The following CFAP52 variants were observed in gnomAD, a reference collection of about 807,000 sequenced individuals.
CFAP52 encodes the protein cilia and flagella associated protein 52.
In CFAP52, 57 loss-of-function variants were observed where a neutral mutation model predicts 70.5. The ratio of observed to expected loss-of-function variants is 0.81; its 90% confidence interval spans 0.65 to 1.01. CFAP52 has a LOEUF of 1.01. CFAP52 is among the 50% of genes least tolerant of loss of function. The pLI is 0.00. For synonymous variants in CFAP52, 267 were observed against 292.5 expected, an observed-to-expected ratio of 0.91 and a Z score of 0.89; for missense variants, 785 against 788.5, an observed-to-expected ratio of 1.00 and a Z score of 0.05.
intron 12 of CFAP52, among the ~76,000 whole-genome samples, chr17:9,641,086 G>A (rs569292086): frequency 6.6e-6 from 1 of 152,218 alleles, no homozygotes; most frequent in African/African-American, 2.4e-5. Flanking sequence ...AAAGTTTAAG[G>A]TACAAAGGCA....
At chr17:9,628,586 A>G (rs947598191) in intron 8 of CFAP52, 86 bp from the exon 9 acceptor site, 20 of 1,528,472 alleles carry the variant, frequency 1.3e-5, no homozygotes, top group Non-Finnish European at 1.7e-5. Flanking sequence ...CTTTTCCTAT[A>G]TTTTTGTGAA....
chr17:9,642,659 G>A (rs192610899), intron 13 of CFAP52, among the ~76,000 whole-genome samples: 1 of 152,242 alleles, frequency 6.6e-6, no homozygotes, highest in Admixed American at 6.5e-5. Context: ...TGCATGAAAT[G>A]AATTAAGTTT....
intron 6 of CFAP52, among the ~76,000 whole-genome samples, chr17:9,600,714 G>A (rs948750991): frequency 5.3e-5 from 8 of 152,070 alleles, no homozygotes; most frequent in Admixed American, 2.0e-4. Flanking sequence ...ACAGGCGCCC[G>A]CCACCACGCC....
Position 9,635,578 on chromosome 17 carries a change from G to A in CFAP52, c.1472+22G>A, listed in dbSNP as rs558747526. 45 of 1,613,896 alleles carry A rather than the reference G, an allele frequency of 2.8e-5. No individual in the cohort carries two copies. In the Admixed American group the frequency reaches 5.5e-4, roughly 20 times the overall value. ...TTGTGTAGGTACCTGTGATGGGGAG[G>A]ATGCAGTGATACCTGCAAAATCCAA... On this transcript the variant is annotated intron_variant, in intron 11 of 13. Transcript: ENST00000352665.
At chr17:9,583,182 C>G (rs4791854) in intron 1 of CFAP52, among the ~76,000 whole-genome samples, 8 of 151,918 alleles carry the variant, frequency 5.3e-5, no homozygotes, top group Non-Finnish European at 1.2e-4. Context: ...AATTAGAAAA[C>G]TATAAAAAAT....
At position 9,600,186 on chromosome 17, in the gene CFAP52, G is replaced by A. The variant is rs1214079329; in HGVS notation, c.753+3G>A. 4.3e-6 allele frequency: 7 copies of A among 1,612,426 alleles called. No homozygotes were observed. Among genetic ancestry groups the A allele is most frequent in the African/African-American group, 1.3e-5 (1 of 74,866 alleles). ...CTGCGAAGGACAAATTCAGTTTGGT[G>A]AGTAGAGACCATCGCCACTGCCCTG... On this transcript the variant is annotated splice_donor_region_variant and intron_variant, in intron 6 of 13. Transcript: ENST00000352665.
At chr17:9,605,680 G>A (rs1360196338) in intron 6 of CFAP52, among the ~76,000 whole-genome samples, 1 of 111,716 alleles carries the variant, frequency 9.0e-6, no homozygotes, top group African/African-American at 3.4e-5. Flanking sequence ...TGGCGACAGA[G>A]TGAGACTCCA....
At chr17:9,622,871 G>T (rs1384101985) in intron 8 of CFAP52, among the ~76,000 whole-genome samples, 1 of 151,888 alleles carries the variant, frequency 6.6e-6, no homozygotes, top group Non-Finnish European at 1.5e-5. Flanking sequence ...ACCTGAACTA[G>T]TCTCATAGAT....
chr17:9,633,038 T>G lies in CFAP52; in HGVS notation c.1320+5T>G, dbSNP rs1910625284. 3 of 1,612,614 alleles carry G rather than the reference T, an allele frequency of 1.9e-6. No individual in the cohort carries two copies. The highest frequency in any genetic ancestry group is 2.5e-6 in the Non-Finnish European group (3 of 1,179,404). Reference sequence around the variant, plus strand: ...AGTGGCGGTGGGGAAGGGGAGGTATTGAAAGCAGAAATTTGAAAAAATAAC... The same window carrying G: ...AGTGGCGGTGGGGAAGGGGAGGTATGGAAAGCAGAAATTTGAAAAAATAAC... On this transcript the variant is annotated splice_donor_5th_base_variant and intron_variant, in intron 10 of 13. Coordinates refer to ENST00000352665, the MANE Select transcript of CFAP52 (RefSeq NM_145054.5).
At chr17:9,614,866 G>A (rs1909847979) in intron 8 of CFAP52, among the ~76,000 whole-genome samples, 1 of 152,150 alleles carries the variant, frequency 6.6e-6, no homozygotes, top group African/African-American at 2.4e-5. Context: ...ATTACCCCTA[G>A]CTGAGAATCA....
chr17:9,593,315 T>C (rs549293820), intron 3 of CFAP52, among the ~76,000 whole-genome samples: 2 of 152,310 alleles, frequency 1.3e-5, no homozygotes, highest in South Asian at 4.2e-4. Flanking sequence ...ATTCTCACAA[T>C]GTGGTTCCCA....
downstream of CFAP52, chr17:9,645,443 G>T: frequency 2.6e-6 from 1 of 390,148 alleles, no homozygotes; most frequent in Non-Finnish European, 4.0e-6. The surrounding 1 kb of genome is among the most constrained non-coding windows in gnomAD (Gnocchi z 6.8). Context: ...CCTGGAGGGG[G>T]CTGGTCGTGC....
At chr17:9,611,172 T>C (rs960877378) in intron 7 of CFAP52, among the ~76,000 whole-genome samples, 10 of 152,182 alleles carry the variant, frequency 6.6e-5, no homozygotes, top group African/African-American at 1.9e-4. Context: ...AGAACCTGCG[T>C]TGAATTCTTC....
At chr17:9,598,166 C>T in intron 4 of CFAP52, 68 bp from the exon 5 acceptor site, 2 of 1,237,024 alleles carry the variant, frequency 1.6e-6, no homozygotes, top group Non-Finnish European at 2.3e-6. Flanking sequence ...CCTTCAGTTT[C>T]AGGGATGAAG....
At position 9,628,658 on chromosome 17, in the gene CFAP52, T is replaced by C. The variant is rs1358423018; in HGVS notation, c.1026-14T>C. 6.2e-7 allele frequency: 1 copy of C among 1,608,452 alleles called. No homozygotes were observed. Among genetic ancestry groups the C allele is most frequent in the East Asian group, 2.2e-5 (1 of 44,740 alleles). On this transcript the variant is annotated splice_polypyrimidine_tract_variant and intron_variant, in intron 8 of 13. Coordinates refer to ENST00000352665, the MANE Select transcript of CFAP52 (RefSeq NM_145054.5). The stretch of plus-strand genomic sequence containing the variant: ...CATCTTTTATGGTTGCATCTCTTGA[T>C]GGCTTCCTTGCAGTGGCACTGCTGA...
chr17:9,601,358 A>C (rs888483143), intron 6 of CFAP52, among the ~76,000 whole-genome samples: 3 of 151,926 alleles, frequency 2.0e-5, no homozygotes, highest in African/African-American at 7.3e-5. Flanking sequence ...ACATGTATAC[A>C]TATGTAACAA....
intron 9 of CFAP52, 117 bp from the exon 10 acceptor site, chr17:9,632,771 C>G (rs1292889860): frequency 2.1e-5 from 30 of 1,425,984 alleles, no homozygotes; most frequent in Non-Finnish European, 2.6e-5. Flanking sequence ...GAGCTGGTCT[C>G]TTTCCTCCAG....
intron 13 of CFAP52, 92 bp downstream of exon 13, chr17:9,641,927 C>G (rs966272183): frequency 8.9e-7 from 1 of 1,121,226 alleles, no homozygotes; most frequent in Non-Finnish European, 1.3e-6. Flanking sequence ...GAAAAGACAA[C>G]AAAAGGGTCT....
intron 10 of CFAP52, among the ~76,000 whole-genome samples, 164 bp downstream of exon 10, chr17:9,633,197 A>T (rs1315950753): frequency 6.6e-6 from 1 of 152,208 alleles, no homozygotes; most frequent in East Asian, 1.9e-4. Context: ...AAAAGTTCTA[A>T]TATTATAAAT....
Sources: gnomAD v4.1 joint callset for allele counts (sites outside exome capture counted in the v4.1 genomes callset) on GRCh38, gnomAD v4.1.1 for gene constraint, Gnocchi (gnomAD v3.1) non-coding constraint, MANE v1.5 for transcripts, NCBI Gene and HGNC (gene_info 2026-07-23, HGNC 2026-07-21) for gene names.